Variants in NELL1 observed in about 807,000 individuals in gnomAD.
NELL1 encodes neural EGFL like 1.
Under a neutral mutation model 107.4 loss-of-function variants are expected in NELL1, and 76 were observed. The ratio of observed to expected loss-of-function variants is 0.71; its 90% confidence interval spans 0.59 to 0.86. The LOEUF (loss-of-function observed/expected upper bound fraction) is 0.86. NELL1 is among the 40% of genes least tolerant of loss of function. NELL1 has a pLI of 0.00. For synonymous variants in NELL1, 353 were observed against 341.2 expected (o/e 1.03, Z -0.38); for missense variants, 1,024 against 1,005.5 (o/e 1.02, Z -0.25).
intron 5 of NELL1, among the ~76,000 whole-genome samples, chr11:20,895,699 G>A (rs1356476751): frequency 3.3e-5 from 5 of 151,716 alleles, no homozygotes; most frequent in Non-Finnish European, 5.9e-5. Context: ...GTAGAGACGG[G>A]GTTTCACTGT....
intron 15 of NELL1, among the ~76,000 whole-genome samples, chr11:21,487,346 T>G (rs1486167434): frequency 6.6e-6 from 1 of 152,134 alleles, no homozygotes; most frequent in African/African-American, 2.4e-5. Flanking sequence ...AAGGATAATA[T>G]ATCCAGTAAA....
chr11:21,235,421 C>G (rs953352014), intron 14 of NELL1, among the ~76,000 whole-genome samples: 1 of 152,052 alleles, frequency 6.6e-6, no homozygotes, highest in South Asian at 2.1e-4. Flanking sequence ...GGCTTAGGGT[C>G]GGACTCAATC....
At chr11:21,503,539 T>C (rs1855203902) in intron 15 of NELL1, among the ~76,000 whole-genome samples, 1 of 152,322 alleles carries the variant, frequency 6.6e-6, no homozygotes, top group Non-Finnish European at 1.5e-5. Context: ...ATCTTTGAAA[T>C]GGTAATACTA....
At chr11:21,309,214 A>G (rs1590824235) in intron 14 of NELL1, among the ~76,000 whole-genome samples, 1 of 146,824 alleles carries the variant, frequency 6.8e-6, no homozygotes, top group African/African-American at 2.5e-5. Flanking sequence ...TACTCTATGT[A>G]TGCCTCTTAA....
In NELL1 at chr11:20,669,616, G is replaced by T. The variant is rs925255500; in HGVS notation, c.-108G>T. 69 of 930,680 alleles carry T rather than the reference G, an allele frequency of 7.4e-5. No individual in the cohort carries two copies. Among genetic ancestry groups the T allele is most frequent in the Middle Eastern group, 6.7e-4 (3 of 4,452 alleles). 57.7% of individuals were successfully genotyped at this position (930,680 alleles called of 1,614,324 possible). Reference sequence around the variant, plus strand: ...GCGCTGCCGAGCCACCTCCCCCGCCGCCCGCTAGCAAGTTTGGCGGCTCCA... The same window carrying T: ...GCGCTGCCGAGCCACCTCCCCCGCCTCCCGCTAGCAAGTTTGGCGGCTCCA... On this transcript the variant is annotated 5_prime_UTR_variant, in exon 1 of 20. Transcript: ENST00000357134. The surrounding 1 kb of genome is among the most constrained non-coding windows in gnomAD (Gnocchi z 4.4).
intron 2 of NELL1, among the ~76,000 whole-genome samples, chr11:20,757,403 A>G (rs905272288): frequency 4.6e-5 from 7 of 152,192 alleles, no homozygotes; most frequent in Non-Finnish European, 1.0e-4. Flanking sequence ...CATGCTCAGT[A>G]GGAATGGTGA....
In NELL1 at chr11:21,322,723, C is replaced by T. The variant is rs970948095; in HGVS notation, c.1550-48130C>T. Among the ~76,000 whole-genome samples, 12 of 152,156 alleles carry T rather than the reference C, an allele frequency of 7.9e-5. No homozygotes were observed. In the East Asian group the frequency reaches 1.2e-3, roughly 15 times the overall value. ...AGCCTGGTTCCATGAAACCAGACTT[C>T]CAGGAAGAGTTTCTCAAGGTCAAGC... On this transcript the variant is annotated intron_variant, in intron 14 of 19. Coordinates refer to ENST00000357134, the MANE Select transcript of NELL1 (RefSeq NM_006157.5).
At chr11:21,458,520 T>A (rs749528157) in intron 15 of NELL1, among the ~76,000 whole-genome samples, 8 of 152,200 alleles carry the variant, frequency 5.3e-5, no homozygotes, top group Non-Finnish European at 8.8e-5. Flanking sequence ...CACAGAGTAG[T>A]CACAACCATT....
At chr11:20,872,329 T>C (rs1849217808) in intron 4 of NELL1, among the ~76,000 whole-genome samples, 1 of 151,924 alleles carries the variant, frequency 6.6e-6, no homozygotes. Flanking sequence ...CACAGGTACC[T>C]GCCACCGTGC....
chr11:21,441,334 T>C (rs1174436573), intron 15 of NELL1, among the ~76,000 whole-genome samples: 4 of 22,678 alleles, frequency 1.8e-4, no homozygotes, highest in Non-Finnish European at 3.0e-4. Flanking sequence ...CTGTGACGTG[T>C]GTGTGTGTGT....
intron 14 of NELL1, among the ~76,000 whole-genome samples, chr11:21,292,438 C>T (rs1014814882): frequency 1.3e-5 from 2 of 152,134 alleles, no homozygotes; most frequent in Non-Finnish European, 2.9e-5. Context: ...AGGACACAAA[C>T]AAATGCAAAA....
intron 14 of NELL1, among the ~76,000 whole-genome samples, chr11:21,299,228 GT>G (rs971863135): frequency 7.2e-5 from 11 of 151,952 alleles, no homozygotes; most frequent in Non-Finnish European, 1.5e-4. Context: ...AGAAATCTGT[GT>G]TTAATTTTTG....
At chr11:20,698,504 A>T (rs1288965084) in intron 2 of NELL1, among the ~76,000 whole-genome samples, 1 of 152,234 alleles carries the variant, frequency 6.6e-6, no homozygotes, top group Non-Finnish European at 1.5e-5. Context: ...TGAACAAATT[A>T]ACCTTGGGCA....
chr11:21,341,103 T>A (rs1017587315), intron 14 of NELL1, among the ~76,000 whole-genome samples: 1 of 152,172 alleles, frequency 6.6e-6, no homozygotes, highest in Non-Finnish European at 1.5e-5. Context: ...AATAAGTGTG[T>A]AGTTAGACCT....
intron 15 of NELL1, among the ~76,000 whole-genome samples, chr11:21,453,510 G>A (rs114269280): frequency 0.014 from 2,175 of 151,514 alleles, 35 homozygotes; most frequent in African/African-American, 0.046. Flanking sequence ...TTTAAACTTC[G>A]TGTCTTTGTA....
rs535637971 is a variant in NELL1 at position 21,247,366 on chromosome 11, T to C, written c.1549+17912T>C. On this transcript the variant is annotated intron_variant, in intron 14 of 19. Coordinates refer to ENST00000357134, the MANE Select transcript of NELL1 (RefSeq NM_006157.5). ...AACACTTAGCTTAAAAAACACATTG[T>C]ACATCTCTGTAAACTAATTTCTTTA... is the stretch of plus-strand genomic sequence containing the variant. 1.4e-3 allele frequency among the ~76,000 whole-genome samples: 209 copies of C among 152,344 alleles called. 1 individual carries two copies. The highest frequency in any genetic ancestry group is 4.8e-3 in the African/African-American group (199 of 41,590).
chr11:20,980,936 A>C (rs1399341210), intron 12 of NELL1, among the ~76,000 whole-genome samples: 1 of 152,238 alleles, frequency 6.6e-6, no homozygotes, highest in African/African-American at 2.4e-5. Context: ...TCAGTGAGCA[A>C]TACCTCCAAA....
chr11:21,204,576 A>T (rs1247639636), intron 13 of NELL1, among the ~76,000 whole-genome samples: 1 of 151,314 alleles, frequency 6.6e-6, no homozygotes. Flanking sequence ...AGCTCGGAGG[A>T]GTTTGTTATT....
chr11:21,341,755 A>G (rs955857686), intron 14 of NELL1, among the ~76,000 whole-genome samples: 59 of 152,214 alleles, frequency 3.9e-4, no homozygotes, highest in African/African-American at 1.3e-3. Context: ...TGTATAATCT[A>G]TACTGGTTTC....
Sources: gnomAD v4.1 joint callset for allele counts (sites outside exome capture counted in the v4.1 genomes callset) on GRCh38, gnomAD v4.1.1 for gene constraint, Gnocchi (gnomAD v3.1) non-coding constraint, MANE v1.5 for transcripts, NCBI Gene and HGNC (gene_info 2026-07-23, HGNC 2026-07-21) for gene names.